Variants in RDX observed in about 807,000 individuals in gnomAD.
The protein encoded by RDX is deafness, autosomal recessive 24.
In RDX, 32 loss-of-function variants were observed where a neutral mutation model predicts 83.7. That is an observed-to-expected ratio of 0.38 (90% CI 0.29 to 0.51). The LOEUF is 0.51. RDX is among the 20% of genes least tolerant of loss of function. RDX has a pLI of 0.87. For missense variants in RDX, 600 were observed against 689.9 expected, an observed-to-expected ratio of 0.87 and a Z score of 1.46; for synonymous variants, 229 against 222.7, an observed-to-expected ratio of 1.03 and a Z score of -0.25.
At chr11:110,243,784 AG>A (rs1865194760) in intron 10 of RDX, among the ~76,000 whole-genome samples, 1 of 152,202 alleles carries the variant, frequency 6.6e-6, no homozygotes, top group Admixed American at 6.5e-5. Context: ...CAACGTCACC[AG>A]GTATTAGAGA....
chr11:110,258,033 GTAA>G, intron 6 of RDX, 70 bp downstream of exon 6: 2 of 1,474,466 alleles, frequency 1.4e-6, no homozygotes, highest in Non-Finnish European at 1.9e-6. Context: ...TGGAAATAAT[GTAA>G]TAATAAATGT....
At chr11:110,262,430 C>G (rs1322523466) in intron 5 of RDX, among the ~76,000 whole-genome samples, 2 of 151,848 alleles carry the variant, frequency 1.3e-5, no homozygotes, top group African/African-American at 4.8e-5. Flanking sequence ...ACTAAAAATG[C>G]AAAAATTAGC....
intron 15 of RDX, among the ~76,000 whole-genome samples, chr11:110,189,941 G>C (rs1591500349): frequency 6.6e-6 from 1 of 152,158 alleles, no homozygotes; most frequent in Non-Finnish European, 1.5e-5. Flanking sequence ...GAATTAGCCA[G>C]GTGTGGTGGC....
intron 15 of RDX, among the ~76,000 whole-genome samples, chr11:110,183,903 A>T (rs1311643271): frequency 1.3e-5 from 2 of 152,198 alleles, no homozygotes; most frequent in Non-Finnish European, 2.9e-5. Flanking sequence ...CCACGCTGCT[A>T]TCGATGCTTA....
At chr11:110,239,078 A>C (rs372762578) in intron 10 of RDX, among the ~76,000 whole-genome samples, 16 of 152,134 alleles carry the variant, frequency 1.1e-4, no homozygotes, top group Non-Finnish European at 2.4e-4. Context: ...CAGGAGTTTG[A>C]GACCAGTCTG....
At position 110,190,296 on chromosome 11, in the gene RDX, C is replaced by T. The variant is rs145101929; in HGVS notation, c.*31+9285G>A. 9.5e-3 allele frequency among the ~76,000 whole-genome samples: 1,439 copies of T among 152,102 alleles called. 30 individuals are homozygous for T. The highest frequency in any genetic ancestry group is 0.033 in the African/African-American group (1,366 of 41,488). On this transcript the variant is annotated intron_variant, in intron 15 of 15. Coordinates refer to the RDX transcript ENST00000528498. Reference sequence around the variant, plus strand: ...CTCTACTAAAAATACAAAAATTAGACGGGCATTGTGGTGCATGCCTGTAAT... The same window carrying T: ...CTCTACTAAAAATACAAAAATTAGATGGGCATTGTGGTGCATGCCTGTAAT...
At chr11:110,206,903 C>A (rs997456315) in intron 14 of RDX, among the ~76,000 whole-genome samples, 11 of 152,156 alleles carry the variant, frequency 7.2e-5, no homozygotes, top group Admixed American at 2.0e-4. Context: ...GAGACCCAAA[C>A]GAGCAATTCT....
intron 3 of RDX, among the ~76,000 whole-genome samples, chr11:110,269,972 G>A (rs1349871505): frequency 6.6e-6 from 1 of 152,096 alleles, no homozygotes; most frequent in Middle Eastern, 3.2e-3. Context: ...AGCCTGGGAG[G>A]CAGAGGTTAC....
chr11:110,221,601 AACACACACACACACACACACAC>A (rs60766252), intron 14 of RDX, among the ~76,000 whole-genome samples: 2 of 133,508 alleles, frequency 1.5e-5, no homozygotes, highest in African/African-American at 2.9e-5. Context: ...CTGTCTCCAA[AACACACACACACACACACACAC>A]ACACACACAC....
intron 15 of RDX, among the ~76,000 whole-genome samples, chr11:110,181,206 G>C (rs1240879459): frequency 6.7e-6 from 1 of 149,398 alleles, no homozygotes; most frequent in Non-Finnish European, 1.5e-5. Context: ...CTGTCACTCA[G>C]GCTGGACTAC....
chr11:110,276,654 T>A (rs946281521), intron 2 of RDX, among the ~76,000 whole-genome samples: 6 of 152,210 alleles, frequency 3.9e-5, no homozygotes, highest in African/African-American at 1.4e-4. Flanking sequence ...TCTCCTTTAA[T>A]GACTTTCAAA....
chr11:110,254,133 T>C, intron 8 of RDX, 24 bp from the exon 9 acceptor site: 1 of 1,601,490 alleles, frequency 6.2e-7, no homozygotes, highest in Non-Finnish European at 8.5e-7. Context: ...ATTCTGAATT[T>C]AAAATCTTCC....
intron 15 of RDX, among the ~76,000 whole-genome samples, chr11:110,182,698 G>A (rs1368171362): frequency 6.6e-6 from 1 of 152,184 alleles, no homozygotes. Flanking sequence ...TGGTTTCTCA[G>A]AACTTGTACC....
At chr11:110,290,495 G>C (rs1204900187) in intron 1 of RDX, among the ~76,000 whole-genome samples, 2 of 146,652 alleles carry the variant, frequency 1.4e-5, no homozygotes, top group East Asian at 4.0e-4. Flanking sequence ...CTGGGCAACA[G>C]AGACAGTCTC....
At chr11:110,252,133 A>G (rs1261060217) in intron 9 of RDX, among the ~76,000 whole-genome samples, 1 of 152,232 alleles carries the variant, frequency 6.6e-6, no homozygotes, top group African/African-American at 2.4e-5. Context: ...TATATCTCCT[A>G]GGCATTCAAA....
chr11:110,289,192 C>T (rs951889541), intron 1 of RDX, among the ~76,000 whole-genome samples: 2 of 147,654 alleles, frequency 1.4e-5, no homozygotes, highest in Non-Finnish European at 3.0e-5. Flanking sequence ...GAGCCAAGAT[C>T]GCGCCATTGC....
chr11:110,236,349 AC>A, intron 11 of RDX, 158 bp from the exon 12 acceptor site: 1 of 616,740 alleles, frequency 1.6e-6, no homozygotes, highest in Non-Finnish European at 2.8e-6. Flanking sequence ...TAGCTTATTT[AC>A]AATAAGTCCT....
chr11:110,237,356 T>G, intron 11 of RDX, 136 bp downstream of exon 11: 1 of 771,242 alleles, frequency 1.3e-6, no homozygotes, highest in South Asian at 1.9e-5. Context: ...TTGTCTACAT[T>G]TTGTTATTAA....
chr11:110,280,890 C>T (rs1404965583), intron 1 of RDX, among the ~76,000 whole-genome samples: 1 of 151,918 alleles, frequency 6.6e-6, no homozygotes, highest in Non-Finnish European at 1.5e-5. Context: ...TAAGGCTGGG[C>T]ATGGTGGCTC....
Sources: allele counts gnomAD v4.1 joint callset (sites outside exome capture counted in the v4.1 genomes callset), GRCh38; gene constraint gnomAD v4.1.1; transcripts MANE v1.5; gene names NCBI Gene and HGNC (gene_info 2026-07-23, HGNC 2026-07-21).